The following SCTR variants were observed in gnomAD, a reference collection of about 807,000 sequenced individuals.
SCTR encodes pancreatic secretin receptor.
SCTR carries 56 observed loss-of-function variants against 60.8 expected under a neutral mutation model. The observed-to-expected ratio is 0.92, with a 90% CI of 0.74 to 1.15. The LOEUF is 1.15. Among genes scored for constraint, SCTR ranks in the 50% most tolerant of loss-of-function variants. The probability of loss-of-function intolerance (pLI) is 0.00; values close to 1 mark genes in which losing one functional copy is unlikely to be tolerated. For synonymous variants in SCTR, 202 were observed against 217.0 expected, an observed-to-expected ratio of 0.93 and a Z score of 0.61; for missense variants, 562 against 550.4, an observed-to-expected ratio of 1.02 and a Z score of -0.21.
At chr2:119,455,673 A>G (rs1465246257) in intron 7 of SCTR, among the ~76,000 whole-genome samples, 5 of 152,230 alleles carry the variant, frequency 3.3e-5, no homozygotes, top group Admixed American at 2.6e-4. Flanking sequence ...CTCTCAGCAG[A>G]ATAAACAACA....
intron 1 of SCTR, among the ~76,000 whole-genome samples, chr2:119,512,281 T>C (rs1678973679): frequency 6.6e-6 from 1 of 152,034 alleles, no homozygotes; most frequent in African/African-American, 2.4e-5. Flanking sequence ...TACCATTTTG[T>C]CTTCGTGATC....
intron 1 of SCTR, among the ~76,000 whole-genome samples, chr2:119,518,510 C>T (rs11689041): frequency 0.087 from 13,280 of 152,160 alleles, 761 homozygotes; most frequent in Non-Finnish European, 0.13. Flanking sequence ...GACTGCGGGA[C>T]GTGATGAACC....
chr2:119,441,763 C>A (rs369665275), intron 11 of SCTR, 164 bp from the exon 12 acceptor site: 22 of 645,052 alleles, frequency 3.4e-5, no homozygotes, highest in South Asian at 1.0e-4. Context: ...GTGGGCTGCC[C>A]ACGGTGGCCC....
chr2:119,439,993 G>T lies in SCTR; in HGVS notation c.*124C>A. ...TTCGGAAGAGTCCAAGGCCTGGGGA[G>T]GGGCATCTTCAGCTGAAGGAGGACA... is the stretch of plus-strand genomic sequence containing the variant. On this transcript the variant is annotated 3_prime_UTR_variant, in exon 13 of 13. Coordinates refer to ENST00000019103, the MANE Select transcript of SCTR (RefSeq NM_002980.3). The T allele has an allele frequency of 1.0e-6, 1 of 996,428 alleles. No individual in the cohort carries two copies. The highest frequency in any genetic ancestry group is 1.6e-5 in the South Asian group (1 of 61,216). 61.7% of individuals were successfully genotyped at this position (996,428 alleles called of 1,614,324 possible). A position where few individuals can be genotyped will look rare whatever the true frequency, so the allele number is the denominator to read the frequency against.
chr2:119,476,682 G>A (rs1349960155), intron 3 of SCTR: 1 of 152,334 alleles, frequency 6.6e-6, no homozygotes, highest in Non-Finnish European at 1.5e-5. Flanking sequence ...CAGGGCAGAA[G>A]GGACAGTGCT....
chr2:119,496,122 CT>C (rs1678335163), intron 1 of SCTR, among the ~76,000 whole-genome samples: 2 of 152,212 alleles, frequency 1.3e-5, no homozygotes, highest in Admixed American at 6.5e-5. Context: ...CTCTGGCACC[CT>C]CTGGCTTCTC....
chr2:119,447,117 T>G (rs745726455), intron 10 of SCTR, among the ~76,000 whole-genome samples: 1 of 150,766 alleles, frequency 6.6e-6, no homozygotes, highest in Non-Finnish European at 1.5e-5. Flanking sequence ...TTTCTGATCA[T>G]GCACCTCCAT....
rs1682590322 is a variant in SCTR, at chr2:119,439,909, A to G, written c.*208T>C. 3.6e-6 allele frequency: 2 copies of G among 549,208 alleles called. No individual in the cohort carries two copies. The highest frequency in any genetic ancestry group is 6.4e-6 in the Non-Finnish European group (2 of 312,350). The allele number at this position is 549,208 out of a possible 1,614,324, so 34.0% of individuals were successfully genotyped here. ...CTGGGACCCCTGAACTTCTCTTCCC[A>G]GAAGAGCAAACGAACCAAATCCCAG... On this transcript the variant is annotated 3_prime_UTR_variant, in exon 13 of 13. Coordinates refer to ENST00000019103, the MANE Select transcript of SCTR (RefSeq NM_002980.3).
intron 11 of SCTR, among the ~76,000 whole-genome samples, chr2:119,442,137 A>G (rs915465888): frequency 1.3e-5 from 2 of 152,240 alleles, no homozygotes; most frequent in Non-Finnish European, 2.9e-5. Context: ...CTTAATGGAC[A>G]GGTGGGTGCA....
At chr2:119,508,312 T>G (rs1249757125) in intron 1 of SCTR, among the ~76,000 whole-genome samples, 2 of 151,334 alleles carry the variant, frequency 1.3e-5, no homozygotes, top group Non-Finnish European at 1.5e-5. Flanking sequence ...CTTCTGAACC[T>G]CCACATTCCA....
chr2:119,466,996 G>A lies in SCTR; in HGVS notation c.406-1110C>T, dbSNP rs549981598. 9.1e-4 allele frequency among the ~76,000 whole-genome samples: 138 copies of A among 152,262 alleles called. 1 individual carries two copies. The highest frequency in any genetic ancestry group is 3.2e-3 in the African/African-American group (133 of 41,540). ...GATCTATACATTGCGCGCCTATGCAGCCAAGCAGGCATTCACTTATTCAGC... is the reference window on the plus strand; with the variant it reads ...GATCTATACATTGCGCGCCTATGCAACCAAGCAGGCATTCACTTATTCAGC... On this transcript the variant is annotated intron_variant, in intron 4 of 12. Transcript: ENST00000019103.
At chr2:119,454,786 G>A (rs1184816337) in intron 7 of SCTR, among the ~76,000 whole-genome samples, 4 of 151,732 alleles carry the variant, frequency 2.6e-5, no homozygotes, top group Middle Eastern at 3.4e-3. Flanking sequence ...CCCGGGAGGC[G>A]GAGGTTGCAG....
At chr2:119,520,076 C>T (rs1470025075) in intron 1 of SCTR, among the ~76,000 whole-genome samples, 1 of 152,078 alleles carries the variant, frequency 6.6e-6, no homozygotes, top group Admixed American at 6.6e-5. Flanking sequence ...CTTCATCATC[C>T]TTCACTTATT....
chr2:119,494,389 AC>A, intron 2 of SCTR, 38 bp downstream of exon 2: 2 of 1,605,156 alleles, frequency 1.2e-6, no homozygotes, highest in Non-Finnish European at 1.7e-6. Context: ...GACATGCTCC[AC>A]CCCCAAGAGA....
At chr2:119,507,881 A>AT (rs1032861023) in intron 1 of SCTR, among the ~76,000 whole-genome samples, 5 of 151,688 alleles carry the variant, frequency 3.3e-5, no homozygotes, top group African/African-American at 4.8e-5. Context: ...GTTTCACCAC[A>AT]TTGGCCAGGA....
At position 119,465,897 on chromosome 2, in the gene SCTR, A is replaced by T. The variant is rs980333585; in HGVS notation, c.406-11T>A. The T allele has an allele frequency of 4.4e-6, 7 of 1,600,524 alleles. No homozygotes were observed. The highest frequency in any genetic ancestry group is 4.5e-5 in the East Asian group (2 of 44,812). Reference sequence around the variant, plus strand: ...CAGCAGGTAGGAGTGCTGCAGAGAGAGGCACGTGTCAGCCCCGCCGGCCCT... The same window carrying T: ...CAGCAGGTAGGAGTGCTGCAGAGAGTGGCACGTGTCAGCCCCGCCGGCCCT... On this transcript the variant is annotated splice_polypyrimidine_tract_variant and intron_variant, in intron 4 of 12. Transcript: ENST00000019103.
intron 7 of SCTR, among the ~76,000 whole-genome samples, chr2:119,456,455 G>T (rs1417811518): frequency 6.6e-6 from 1 of 152,076 alleles, no homozygotes; most frequent in Non-Finnish European, 1.5e-5. Flanking sequence ...TTCCTTTCAG[G>T]TGCTCTTGGT....
At chr2:119,492,173 T>C (rs1181199255) in intron 2 of SCTR, among the ~76,000 whole-genome samples, 1 of 152,206 alleles carries the variant, frequency 6.6e-6, no homozygotes, top group Non-Finnish European at 1.5e-5. Context: ...TATATGACCA[T>C]GAGGACAGAA....
At position 119,462,003 on chromosome 2, in the gene SCTR, G is replaced by A; in HGVS notation, c.637-3C>T. On this transcript the variant is annotated splice_polypyrimidine_tract_variant and splice_region_variant and intron_variant, in intron 6 of 12. Transcript: ENST00000019103. ...ACCATGACCAGCTTGCAGCCCGCCT[G>A]GAGAGAGAGAGGCAGCTGAACCCAG... The A allele has an allele frequency of 6.9e-6, 11 of 1,596,462 alleles. No individual in the cohort carries two copies. The highest frequency in any genetic ancestry group is 9.4e-6 in the Non-Finnish European group (11 of 1,170,682).
Sources: allele counts gnomAD v4.1 joint callset (sites outside exome capture counted in the v4.1 genomes callset), GRCh38; gene constraint gnomAD v4.1.1; transcripts MANE v1.5; gene names NCBI Gene and HGNC (gene_info 2026-07-23, HGNC 2026-07-21).